FAT3: variants seen among roughly 807,000 people sequenced by gnomAD.
The protein encoded by FAT3 is protocadherin Fat 3.
A neutral mutation model predicts 310.2 loss-of-function variants in FAT3; 95 were observed. The observed-to-expected ratio is 0.31, with a 90% confidence interval of 0.26 to 0.36. The LOEUF (loss-of-function observed/expected upper bound fraction) is 0.36, where lower values mean the gene tolerates loss of function less well. Among genes scored for constraint, FAT3 ranks in the 10% least tolerant of loss-of-function variants. The pLI, the probability that FAT3 is intolerant of heterozygous loss-of-function variation, is 1.00. For missense variants in FAT3, 5,408 were observed against 5,715.6 expected (o/e 0.95, Z 1.74); for synonymous variants, 2,314 against 2,192.9 (o/e 1.06, Z -1.54).
At chr11:92,881,596 C>T (rs1949671814) in intron 23 of FAT3, among the ~76,000 whole-genome samples, 3 of 152,078 alleles carry the variant, frequency 2.0e-5, no homozygotes, top group South Asian at 2.1e-4. Flanking sequence ...GACTAATTTC[C>T]GGCTGTCCTC....
chr11:92,289,500 T>TACACACACAC (rs10562084), intron 1 of FAT3, among the ~76,000 whole-genome samples: 2,018 of 144,288 alleles, frequency 0.014, 25 homozygotes, highest in East Asian at 0.044. Context: ...CCATGATAGA[T>TACACACACAC]ACACACACAC....
intron 3 of FAT3, among the ~76,000 whole-genome samples, chr11:92,534,631 T>A (rs912812881): frequency 2.0e-5 from 3 of 152,088 alleles, no homozygotes; most frequent in African/African-American, 7.2e-5. Context: ...TCATATTGGA[T>A]GTGTGTGGGC....
chr11:92,526,844 T>C (rs986197556), intron 3 of FAT3, among the ~76,000 whole-genome samples: 4 of 152,196 alleles, frequency 2.6e-5, no homozygotes, highest in African/African-American at 4.8e-5. Flanking sequence ...TCTAATTGTC[T>C]AAAGAAATAT....
chr11:92,555,651 C>T (rs1303224035), intron 3 of FAT3, among the ~76,000 whole-genome samples: 1 of 152,184 alleles, frequency 6.6e-6, no homozygotes, highest in Non-Finnish European at 1.5e-5. Context: ...TCTGAGCAGA[C>T]AAGGAAAGCA....
intron 22 of FAT3, among the ~76,000 whole-genome samples, chr11:92,875,459 C>T (rs1223009959): frequency 6.6e-5 from 10 of 151,044 alleles, no homozygotes; most frequent in African/African-American, 2.4e-4. Context: ...CAATCAGCTT[C>T]TCTGTACCTC....
intron 3 of FAT3, among the ~76,000 whole-genome samples, chr11:92,672,398 G>A (rs1363347745): frequency 6.6e-6 from 1 of 152,176 alleles, no homozygotes; most frequent in African/African-American, 2.4e-5. Context: ...AATGGACTTT[G>A]CAGTGTTTCC....
intron 22 of FAT3, among the ~76,000 whole-genome samples, chr11:92,873,742 A>G (rs1418857681): frequency 1.3e-5 from 2 of 152,254 alleles, no homozygotes; most frequent in Non-Finnish European, 2.9e-5. Flanking sequence ...TGCATCTGCT[A>G]TAACTAGAAG....
chr11:92,588,433 T>C (rs1023662663), intron 3 of FAT3, among the ~76,000 whole-genome samples: 5 of 152,056 alleles, frequency 3.3e-5, no homozygotes, highest in African/African-American at 1.2e-4. Flanking sequence ...CATTGATTAA[T>C]TACAGCCTGA....
At chr11:92,705,136 G>A (rs191115622) in intron 4 of FAT3, among the ~76,000 whole-genome samples, 46 of 152,236 alleles carry the variant, frequency 3.0e-4, no homozygotes, top group Non-Finnish European at 5.6e-4. Flanking sequence ...AGAAATCCCA[G>A]TGTTTTACCC....
At chr11:92,554,514 C>T (rs1162177591) in intron 3 of FAT3, among the ~76,000 whole-genome samples, 1 of 140,096 alleles carries the variant, frequency 7.1e-6, no homozygotes. Flanking sequence ...GAGGAGTTGG[C>T]AGCATTAACT....
At chr11:92,634,845 T>C (rs975273807) in intron 3 of FAT3, among the ~76,000 whole-genome samples, 2 of 152,118 alleles carry the variant, frequency 1.3e-5, no homozygotes, top group Non-Finnish European at 2.9e-5. Context: ...AGGAAGTAAT[T>C]AAGGTTTAGT....
chr11:92,744,294 G>C (rs1458518533), intron 4 of FAT3, among the ~76,000 whole-genome samples: 1 of 152,152 alleles, frequency 6.6e-6, no homozygotes, highest in Non-Finnish European at 1.5e-5. Flanking sequence ...CTGCTGCTCT[G>C]AATGTTCTCT....
chr11:92,565,350 C>G (rs914196646), intron 3 of FAT3, among the ~76,000 whole-genome samples: 2 of 134,730 alleles, frequency 1.5e-5, no homozygotes, highest in African/African-American at 5.2e-5. Flanking sequence ...GAAGTTGCAT[C>G]TCTGAATAGA....
intron 19 of FAT3, among the ~76,000 whole-genome samples, chr11:92,855,164 T>TA (rs1207380028): frequency 2.6e-5 from 4 of 152,224 alleles, no homozygotes; most frequent in Non-Finnish European, 5.9e-5. Flanking sequence ...GAGACTGAGA[T>TA]GAAGTCACAT....
intron 3 of FAT3, among the ~76,000 whole-genome samples, chr11:92,627,414 A>G (rs779123271): frequency 3.3e-5 from 5 of 152,204 alleles, no homozygotes; most frequent in Non-Finnish European, 5.9e-5. Context: ...TCCTTATTTA[A>G]CAGTTCATAG....
intron 3 of FAT3, among the ~76,000 whole-genome samples, chr11:92,560,440 A>G (rs1955181808): frequency 6.6e-6 from 1 of 152,064 alleles, no homozygotes; most frequent in African/African-American, 2.4e-5. Flanking sequence ...TAATTTTAAT[A>G]AAGTCTAGGT....
chr11:92,799,081 G>T lies in FAT3; in HGVS notation c.6068G>T (p.Gly2023Val), dbSNP rs1027680662. 6 of 1,613,784 alleles carry T rather than the reference G, an allele frequency of 3.7e-6. No individual in the cohort carries two copies. Among genetic ancestry groups the T allele is most frequent in the Non-Finnish European group, 4.2e-6 (5 of 1,179,870 alleles). Residue 2023 changes from glycine (G) to valine (V), a missense_variant, in exon 10 of 28, where the codon GGA becomes GTA. By Grantham distance (109) the Gly-to-Val change is moderately radical (BLOSUM62 -3). This residue lies in a region of FAT3 where 4,588 missense variants were observed against 4,809.8 expected (regional missense o/e 0.95). Transcript: ENST00000525166. ...EPLKYSILNP[G>V]NKFKIKSTSG... The stretch of plus-strand genomic sequence containing the variant: ...TTAAAATACAGCATCTTAAACCCAG[G>T]AAATAAGTTCAAGATAAAATCTACC...
Position 92,890,871 on chromosome 11 carries a change from G to A in FAT3, c.13528G>A (p.Ala4510Thr), listed in dbSNP as rs1303069962. ...PNETDLVGPP[A>T]SCEFSTFAVS... is the part of the protein sequence containing the mutation. ...CGAAACGGATTTGGTGGGCCCGCCT[G>A]CCAGCTGTGAATTTAGTACTTTTGC... is the stretch of plus-strand genomic sequence containing the variant. Residue 4510 changes from alanine (A) to threonine (T), a missense_variant, in exon 28 of 28, where the codon GCC becomes ACC. Ala to Thr is a moderately conservative substitution (Grantham distance 58). Around this residue, in one of 5 missense-constraint regions of FAT3, gnomAD observed 649 missense variants for 666.2 expected, o/e 0.97. Coordinates refer to ENST00000525166, the MANE Select transcript of FAT3 (RefSeq NM_001367949.2). 1 of 1,613,902 alleles carries A rather than the reference G, an allele frequency of 6.2e-7. No individual in the cohort carries two copies. The highest frequency in any genetic ancestry group is 8.5e-7 in the Non-Finnish European group (1 of 1,179,910).
rs1349099216 is a variant in FAT3, at chr11:92,831,628, A to G, written c.9488A>G (p.Asn3163Ser). ...VQAVDPDIGINRKVVYSLADS... is the reference protein window; with the variant it reads ...VQAVDPDIGISRKVVYSLADS... The stretch of plus-strand genomic sequence containing the variant: ...TCCTGTGTCTCTCCCACAGGCATCA[A>G]TAGGAAGGTCGTGTACTCCCTGGCA... Residue 3163 changes from asparagine to serine, a missense_variant, in exon 14 of 28, where the codon AAT becomes AGT. Physicochemically the swap from Asn to Ser is conservative, Grantham distance 46 (BLOSUM62 1). Around this residue, in one of 5 missense-constraint regions of FAT3, gnomAD observed 4,588 missense variants for 4,809.8 expected, o/e 0.95. Coordinates refer to ENST00000525166, the MANE Select transcript of FAT3 (RefSeq NM_001367949.2). 1.2e-6 allele frequency: 2 copies of G among 1,610,710 alleles called. No individual in the cohort carries two copies. Among genetic ancestry groups the G allele is most frequent in the Non-Finnish European group, 1.7e-6 (2 of 1,178,852 alleles).
Sources: gnomAD v4.1 joint callset for allele counts (sites outside exome capture counted in the v4.1 genomes callset) on GRCh38, gnomAD v4.1.1 for gene constraint, gnomAD v4.1.1 regional missense constraint, MANE v1.5 for transcripts, NCBI Gene and HGNC (gene_info 2026-07-23, HGNC 2026-07-21) for gene names.